Variants in MICAL3 observed in about 807,000 individuals in gnomAD.
MICAL3 encodes microtubule associated monooxygenase, calponin and LIM domain containing 3.
In MICAL3, 62 loss-of-function variants were observed where a neutral mutation model predicts 207.4. The ratio of observed to expected loss-of-function variants is 0.30; its 90% CI spans 0.24 to 0.37. MICAL3 has a LOEUF of 0.37. MICAL3 is among the 10% of genes least tolerant of loss of function. The pLI is 1.00. For missense variants in MICAL3, 2,368 were observed against 2,635.6 expected (o/e 0.90, Z 2.22); for synonymous variants, 1,077 against 1,069.3 (o/e 1.01, Z -0.14).
intron 1 of MICAL3, among the ~76,000 whole-genome samples, chr22:17,945,677 T>C (rs423790): frequency 0.33 from 49,803 of 151,910 alleles, 8,581 homozygotes; most frequent in East Asian, 0.52. Flanking sequence ...ACAGCCCCCA[T>C]ACGCCCCAAT....
At chr22:17,814,352 A>G (rs1412929599) in intron 27 of MICAL3, 1 of 152,260 alleles carries the variant, frequency 6.6e-6, no homozygotes, top group Non-Finnish European at 1.5e-5. Flanking sequence ...TCATTGGTAG[A>G]TACCACGACC....
chr22:17,797,456 T>G (rs891003154), intron 29 of MICAL3, among the ~76,000 whole-genome samples: 2 of 152,108 alleles, frequency 1.3e-5, no homozygotes, highest in Non-Finnish European at 2.9e-5. Context: ...ACTGCACCAC[T>G]GCACTCCAGC....
chr22:17,861,616 C>T, intron 19 of MICAL3: 9 of 985,420 alleles, frequency 9.1e-6, no homozygotes, highest in Non-Finnish European at 1.1e-5. Flanking sequence ...TGGGGATTTC[C>T]TTTCTCTGCC....
intron 1 of MICAL3, among the ~76,000 whole-genome samples, chr22:17,923,349 A>G (rs1445344689): frequency 1.3e-5 from 2 of 152,028 alleles, no homozygotes; most frequent in Admixed American, 1.3e-4. Flanking sequence ...AACTGCCATG[A>G]CCTCTCTGGG....
intron 1 of MICAL3, among the ~76,000 whole-genome samples, chr22:17,944,826 G>T (rs867276445): frequency 3.5e-4 from 54 of 152,278 alleles, no homozygotes; most frequent in African/African-American, 1.2e-3. Context: ...GCAGGCCACG[G>T]CAGCAGATGG....
intron 25 of MICAL3, 60 bp downstream of exon 25, chr22:17,821,367 A>G (rs1338675591): frequency 6.3e-6 from 9 of 1,423,366 alleles, no homozygotes; most frequent in Non-Finnish European, 8.6e-6. Context: ...AGAGAAGTTA[A>G]TATGTGTCCT....
intron 19 of MICAL3, among the ~76,000 whole-genome samples, chr22:17,843,097 G>A (rs1336958092): frequency 1.5e-5 from 2 of 130,570 alleles, no homozygotes; most frequent in African/African-American, 3.1e-5. Context: ...CTCCAGCCTG[G>A]GTGACAAAGC....
At chr22:18,002,202 A>G (rs1923079709) in intron 1 of MICAL3, among the ~76,000 whole-genome samples, 1 of 152,062 alleles carries the variant, frequency 6.6e-6, no homozygotes, top group Non-Finnish European at 1.5e-5. Context: ...CATCTAAAGA[A>G]AGAAAAAATA....
intron 1 of MICAL3, chr22:18,005,800 G>A (rs192439850): frequency 1.6e-4 from 24 of 152,298 alleles, no homozygotes; most frequent in Non-Finnish European, 1.8e-4. Flanking sequence ...ACCAGTTTGG[G>A]AAAGTTCTCA....
intron 1 of MICAL3, among the ~76,000 whole-genome samples, chr22:18,020,962 AAATAAAAT>A (rs909260674): frequency 4.4e-5 from 6 of 135,848 alleles, no homozygotes; most frequent in South Asian, 2.2e-4. Context: ...ATAAATAAAT[AAATAAAAT>A]GGCCCACCAA....
intron 28 of MICAL3, among the ~76,000 whole-genome samples, chr22:17,810,302 A>C (rs1419155669): frequency 2.0e-5 from 3 of 151,912 alleles, no homozygotes; most frequent in Non-Finnish European, 4.4e-5. Context: ...TGACCTTGTG[A>C]TCCGCCCGCC....
rs2061840257 is a variant in MICAL3, at chr22:17,793,028, T to TC, written c.5651-1728dup. 6.6e-6 allele frequency among the ~76,000 whole-genome samples: 1 copy of TC among 151,634 alleles called. No homozygotes were observed. Among genetic ancestry groups the TC allele is most frequent in the South Asian group, 2.1e-4 (1 of 4,800 alleles). On this transcript the variant is annotated intron_variant, in intron 29 of 31. Coordinates refer to ENST00000441493, the MANE Select transcript of MICAL3 (RefSeq NM_015241.3). The surrounding 1 kb of genome is among the most constrained non-coding windows in gnomAD (Gnocchi z 4.1). ...CAGGGAGTCTCTCCCGCTGCCCACC[T>TC]CCCCACGAAGATACAGAAAATGCCA...
intron 1 of MICAL3, among the ~76,000 whole-genome samples, chr22:17,967,897 GC>G (rs1935222935): frequency 6.6e-6 from 1 of 151,988 alleles, no homozygotes; most frequent in African/African-American, 2.4e-5. Context: ...ACAAAAATTA[GC>G]CAGGCGTGGT....
intron 1 of MICAL3, among the ~76,000 whole-genome samples, chr22:18,023,083 G>A (rs527747159): frequency 2.0e-5 from 3 of 152,200 alleles, no homozygotes; most frequent in African/African-American, 7.2e-5. Flanking sequence ...TCCAACGGCA[G>A]CCTGAGAGAC....
At chr22:17,858,641 G>T (rs1926189003) in intron 19 of MICAL3, among the ~76,000 whole-genome samples, 1 of 152,198 alleles carries the variant, frequency 6.6e-6, no homozygotes, top group Admixed American at 6.5e-5. Flanking sequence ...GTGTGCCACG[G>T]CCTCCCTCTT....
intron 19 of MICAL3, chr22:17,864,236 CA>C (rs1926819975): frequency 9.7e-7 from 1 of 1,026,756 alleles, no homozygotes; most frequent in Non-Finnish European, 1.2e-6. Context: ...CACCTCCCAA[CA>C]CAAGGAAGTG....
chr22:17,806,776 C>A (rs1226041732), intron 29 of MICAL3, among the ~76,000 whole-genome samples: 1 of 152,076 alleles, frequency 6.6e-6, no homozygotes, highest in Admixed American at 6.5e-5. Context: ...TTTTGAAAAC[C>A]ACTGACTTAG....
At chr22:17,999,644 G>C (rs956433008) in intron 1 of MICAL3, among the ~76,000 whole-genome samples, 1 of 152,180 alleles carries the variant, frequency 6.6e-6, no homozygotes, top group Non-Finnish European at 1.5e-5. Context: ...CACGGAACAG[G>C]ATCATCCCAG....
chr22:17,965,952 G>A (rs9618177), intron 1 of MICAL3, among the ~76,000 whole-genome samples: 5,953 of 152,234 alleles, frequency 0.039, 379 homozygotes, highest in African/African-American at 0.13. Context: ...ACCAACCACC[G>A]TGGGACTTCC....
Sources: gnomAD v4.1 joint callset for allele counts (sites outside exome capture counted in the v4.1 genomes callset) on GRCh38, gnomAD v4.1.1 for gene constraint, Gnocchi (gnomAD v3.1) non-coding constraint, MANE v1.5 for transcripts, NCBI Gene and HGNC (gene_info 2026-07-23, HGNC 2026-07-21) for gene names.